The following TP53BP2 variants were observed in gnomAD, a reference collection of about 807,000 sequenced individuals.
TP53BP2 encodes the protein tumor protein p53 binding protein 2.
Under a neutral mutation model 126.2 loss-of-function variants are expected in TP53BP2, and 62 were observed. The ratio of observed to expected loss-of-function variants is 0.49; its 90% confidence interval spans 0.40 to 0.61. The LOEUF (loss-of-function observed/expected upper bound fraction) is 0.61. TP53BP2 is among the 20% of genes least tolerant of loss of function. TP53BP2 has a pLI of 0.00. For synonymous variants in TP53BP2, 485 were observed against 502.9 expected (o/e 0.96, Z 0.48); for missense variants, 1,215 against 1,402.8 (o/e 0.87, Z 2.14).
chr1:223,825,026 A>AACAC (rs3058420), intron 1 of TP53BP2, among the ~76,000 whole-genome samples: 3,420 of 143,530 alleles, frequency 0.024, 113 homozygotes, highest in African/African-American at 0.075. Context: ...TCCAACACCA[A>AACAC]ACACACACAC....
chr1:223,835,378 G>A (rs1663886975), intron 1 of TP53BP2, among the ~76,000 whole-genome samples: 1 of 152,168 alleles, frequency 6.6e-6, no homozygotes, highest in South Asian at 2.1e-4. Flanking sequence ...AACAATCAAT[G>A]TATAAAGCAA....
chr1:223,789,031 G>GTGTA lies in TP53BP2; in HGVS notation c.3136_3139dup (p.Thr1047IlefsTer20). 6.2e-7 allele frequency: 1 copy of GTGTA among 1,614,148 alleles called. No homozygotes were observed. The highest frequency in any genetic ancestry group is 1.3e-5 in the African/African-American group (1 of 75,042). On this transcript the variant is annotated frameshift_variant, in exon 16 of 18. Coordinates refer to ENST00000343537, the MANE Select transcript of TP53BP2 (RefSeq NM_001031685.3). LOFTEE classifies it high-confidence loss of function. ...ACCATAAAGAAATTGGGAGCACTGA[G>GTGTA]TGTAGCCTTCCTCCATTTCCTCGCA...
At chr1:223,817,613 T>C (rs915041217) in intron 2 of TP53BP2, among the ~76,000 whole-genome samples, 2 of 152,178 alleles carry the variant, frequency 1.3e-5, no homozygotes, top group Non-Finnish European at 2.9e-5. Context: ...CTATAGTTTA[T>C]GCATACTGGG....
intron 11 of TP53BP2, among the ~76,000 whole-genome samples, chr1:223,799,496 A>T (rs1292271128): frequency 1.3e-5 from 2 of 152,234 alleles, no homozygotes; most frequent in Non-Finnish European, 2.9e-5. Context: ...AATCTAGACA[A>T]CTGTAATAAA....
At chr1:223,827,226 A>G (rs544547587) in intron 1 of TP53BP2, among the ~76,000 whole-genome samples, 24 of 152,314 alleles carry the variant, frequency 1.6e-4, no homozygotes, top group African/African-American at 5.8e-4. Context: ...ACAGGAAAGA[A>G]TGCTGAGGAC....
chr1:223,821,443 C>A, intron 1 of TP53BP2, 76 bp from the exon 2 acceptor site: 1 of 1,587,292 alleles, frequency 6.3e-7, no homozygotes, highest in Non-Finnish European at 8.6e-7. Flanking sequence ...TTCCTTTCTC[C>A]AAACAAAATC....
At chr1:223,785,358 G>C (rs1661916491) in intron 16 of TP53BP2, among the ~76,000 whole-genome samples, 1 of 152,110 alleles carries the variant, frequency 6.6e-6, no homozygotes, top group South Asian at 2.1e-4. Flanking sequence ...CTAGAAGAAG[G>C]CTCTGCCAAT....
At chr1:223,788,979 C>A in intron 16 of TP53BP2, 29 bp downstream of exon 16, 2 of 1,600,122 alleles carry the variant, frequency 1.2e-6, no homozygotes, top group South Asian at 2.2e-5. Context: ...ATGCAGTAAT[C>A]AATACATTTA....
chr1:223,809,983 C>T (rs1413453291), intron 4 of TP53BP2, among the ~76,000 whole-genome samples: 2 of 152,124 alleles, frequency 1.3e-5, no homozygotes, highest in Admixed American at 1.3e-4. Flanking sequence ...TGTACTACTA[C>T]ACCCGGCTAA....
intron 3 of TP53BP2, among the ~76,000 whole-genome samples, chr1:223,813,104 C>T (rs921029543): frequency 6.6e-6 from 1 of 152,122 alleles, no homozygotes; most frequent in Admixed American, 6.6e-5. Flanking sequence ...TGCTGCTTCC[C>T]ACCCACACTC....
At chr1:223,839,730 G>A (rs1379939418) in intron 1 of TP53BP2, among the ~76,000 whole-genome samples, 1 of 152,130 alleles carries the variant, frequency 6.6e-6, no homozygotes, top group Non-Finnish European at 1.5e-5. Flanking sequence ...AGGAGCTCGA[G>A]ACCAGCCTGG....
At chr1:223,802,558 A>C in intron 8 of TP53BP2, 173 bp downstream of exon 8, 1 of 915,964 alleles carries the variant, frequency 1.1e-6, no homozygotes, top group Non-Finnish European at 1.6e-6. Flanking sequence ...TACACAGGTA[A>C]TAACATTAAA....
At chr1:223,845,113 C>G (rs1664221112) in intron 1 of TP53BP2, 2 of 376,358 alleles carry the variant, frequency 5.3e-6, no homozygotes, top group South Asian at 2.2e-4. Context: ...CGTACGCTTT[C>G]CTGCAATCTA....
chr1:223,843,524 T>C (rs1461221775), intron 1 of TP53BP2, among the ~76,000 whole-genome samples: 1 of 152,246 alleles, frequency 6.6e-6, no homozygotes, highest in Non-Finnish European at 1.5e-5. Flanking sequence ...ATCTTCAGAA[T>C]GCCTTTAAAA....
intron 8 of TP53BP2, 189 bp downstream of exon 8, chr1:223,802,541 AC>A (rs1662563067): frequency 1.2e-6 from 1 of 848,286 alleles, no homozygotes; most frequent in African/African-American, 1.7e-5. Flanking sequence ...TTAGAGACAA[AC>A]AGAGCTACAC....
Position 223,796,938 on chromosome 1 carries a change from G to A in TP53BP2, c.1949-348C>T, listed in dbSNP as rs927542485. On this transcript the variant is annotated intron_variant, in intron 12 of 17. Coordinates refer to ENST00000343537, the MANE Select transcript of TP53BP2 (RefSeq NM_001031685.3). This position sits in a 1 kb window ranked among gnomAD's most constrained non-coding sequence, Gnocchi z 4.2. ...CAATGAAAACAGATAATCCTCATGTGTCCAGATTAAAACTAAACATGTACT... is the reference window on the plus strand; with the variant it reads ...CAATGAAAACAGATAATCCTCATGTATCCAGATTAAAACTAAACATGTACT... 1.3e-5 allele frequency among the ~76,000 whole-genome samples: 2 copies of A among 152,154 alleles called. No homozygotes were observed. Among genetic ancestry groups the A allele is most frequent in the Admixed American group, 1.3e-4 (2 of 15,278 alleles).
intron 1 of TP53BP2, among the ~76,000 whole-genome samples, chr1:223,835,050 T>G (rs904679783): frequency 6.6e-6 from 1 of 152,236 alleles, no homozygotes; most frequent in African/African-American, 2.4e-5. Flanking sequence ...CAATACATGT[T>G]TGTTGGACTG....
intron 1 of TP53BP2, among the ~76,000 whole-genome samples, chr1:223,834,175 A>G (rs1163277666): frequency 1.3e-5 from 2 of 152,218 alleles, no homozygotes; most frequent in African/African-American, 4.8e-5. Flanking sequence ...GTCAAGAATA[A>G]GGAGTACGGA....
intron 8 of TP53BP2, 58 bp from the exon 9 acceptor site, chr1:223,802,402 A>G: frequency 2.0e-6 from 3 of 1,485,716 alleles, no homozygotes; most frequent in Admixed American, 2.0e-5. Context: ...GATCAGACTT[A>G]GAAACTAAGA....
Sources: allele counts gnomAD v4.1 joint callset (sites outside exome capture counted in the v4.1 genomes callset), GRCh38; gene constraint gnomAD v4.1.1; non-coding constraint Gnocchi (gnomAD v3.1); transcripts MANE v1.5; gene names NCBI Gene and HGNC (gene_info 2026-07-23, HGNC 2026-07-21).